The following ERBIN variants were observed in gnomAD, a reference collection of about 807,000 sequenced individuals.
ERBIN encodes the protein erbb2 interacting protein, also known as densin-180-like protein.
ERBIN carries 60 observed loss-of-function variants against 158.4 expected under a neutral mutation model. That is an observed-to-expected ratio of 0.38 (90% confidence interval 0.31 to 0.47). ERBIN has a LOEUF of 0.47. Ranked by LOEUF, ERBIN falls within the 20% of genes least tolerant of loss-of-function variation. ERBIN has a pLI of 0.99. For synonymous variants in ERBIN, 594 were observed against 557.2 expected, an observed-to-expected ratio of 1.07 and a Z score of -0.93; for missense variants, 1,610 against 1,648.0, an observed-to-expected ratio of 0.98 and a Z score of 0.40.
In ERBIN at chr5:66,053,757, T is replaced by C; in HGVS notation, c.2439T>C (p.Tyr813=). ...ETEHLENGNK[Y]PNLESVNKVN... Reference sequence around the variant, plus strand: ...AGCACTTGGAAAATGGAAACAAGTATCCTAATTTGGAATCCGTAAATAAGG... The same window carrying C: ...AGCACTTGGAAAATGGAAACAAGTACCCTAATTTGGAATCCGTAAATAAGG... The change falls in exon 21 of 26, where the codon TAT becomes TAC. Residue 813 remains tyrosine (Y), a synonymous_variant. Transcript: ENST00000284037. 6.2e-7 allele frequency: 1 copy of C among 1,613,778 alleles called. No homozygotes were observed. The highest frequency in any genetic ancestry group is 8.5e-7 in the Non-Finnish European group (1 of 1,179,984).
rs1758528419 is a variant in ERBIN at position 66,047,196 on chromosome 5, C to G, written c.1788+658C>G. On this transcript the variant is annotated intron_variant, in intron 18 of 25. Coordinates refer to ENST00000284037, the MANE Select transcript of ERBIN (RefSeq NM_001253697.2). ...ATATGCCTCTGTAAATTTGCCTATT[C>G]TTGACATTTCATTTAAGTGGAATCA... 4.6e-5 allele frequency among the ~76,000 whole-genome samples: 7 copies of G among 152,048 alleles called. No homozygotes were observed. The South Asian group carries it at 1.4e-3, about 31-fold the overall frequency.
At chr5:65,932,858 A>G (rs1044341215) in intron 1 of ERBIN, among the ~76,000 whole-genome samples, 6 of 152,064 alleles carry the variant, frequency 3.9e-5, no homozygotes, top group African/African-American at 7.2e-5. Flanking sequence ...GTGCAGTGGC[A>G]TACTCACGGC....
At chr5:66,019,757 C>T (rs1003625038) in intron 7 of ERBIN, among the ~76,000 whole-genome samples, 5 of 152,190 alleles carry the variant, frequency 3.3e-5, no homozygotes, top group African/African-American at 1.2e-4. Context: ...CACACCTTTT[C>T]ATTTTTGTAC....
intron 1 of ERBIN, among the ~76,000 whole-genome samples, chr5:65,963,513 G>A (rs1260182696): frequency 1.3e-5 from 2 of 152,124 alleles, no homozygotes; most frequent in Admixed American, 6.5e-5. Flanking sequence ...CAGGAGAATC[G>A]CTTGAACCCG....
intron 1 of ERBIN, among the ~76,000 whole-genome samples, chr5:65,977,784 A>G (rs1750157838): frequency 6.6e-6 from 1 of 152,184 alleles, no homozygotes; most frequent in Admixed American, 6.5e-5. Context: ...CAATCTCGGC[A>G]CTTCGGGAGG....
chr5:65,996,244 GTT>G (rs34947686), intron 4 of ERBIN, among the ~76,000 whole-genome samples: 60,082 of 101,014 alleles, frequency 0.59, 17,529 homozygotes, highest in South Asian at 0.71. Context: ...TTTCCTAGTA[GTT>G]TTTTTTTTTT....
chr5:65,982,652 C>T (rs1322639958), intron 1 of ERBIN, among the ~76,000 whole-genome samples: 1 of 130,228 alleles, frequency 7.7e-6, no homozygotes, highest in East Asian at 2.1e-4. Flanking sequence ...AAACCAGATA[C>T]TGCAATTACA....
rs185622670 is a variant in ERBIN at position 66,005,274 on chromosome 5, C to T, written c.308-6775C>T. Among the ~76,000 whole-genome samples, 213 of 152,146 alleles carry T rather than the reference C, an allele frequency of 1.4e-3. 1 individual carries two copies. The highest frequency in any genetic ancestry group is 5.0e-3 in the African/African-American group (207 of 41,504). ...GATGTGAGAGAAGAGTCAAGGATGC[C>T]CTCAGTGATTTTGGTCATGCCCTTG... On this transcript the variant is annotated intron_variant, in intron 4 of 25. Coordinates refer to ENST00000284037, the MANE Select transcript of ERBIN (RefSeq NM_001253697.2).
intron 4 of ERBIN, among the ~76,000 whole-genome samples, chr5:66,011,650 G>C (rs912836070): frequency 2.0e-5 from 3 of 152,142 alleles, no homozygotes; most frequent in Non-Finnish European, 1.5e-5. Flanking sequence ...TCGCCCCACT[G>C]TACTCCAGCG....
chr5:66,030,956 G>A (rs1299145497), intron 14 of ERBIN, among the ~76,000 whole-genome samples: 5 of 152,154 alleles, frequency 3.3e-5, no homozygotes, highest in South Asian at 2.1e-4. Context: ...TATCTGCTAC[G>A]GTTTCTTCAT....
intron 23 of ERBIN, 130 bp from the exon 24 acceptor site, chr5:66,076,186 A>G: frequency 1.5e-6 from 1 of 678,052 alleles, no homozygotes; most frequent in Non-Finnish European, 2.5e-6. Flanking sequence ...ATCTGACCAA[A>G]TATTTATTTT....
chr5:66,077,795 TACACAC>T (rs879359102), intron 25 of ERBIN, among the ~76,000 whole-genome samples: 1 of 97,006 alleles, frequency 1.0e-5, no homozygotes, highest in East Asian at 3.5e-4. Flanking sequence ...CACACACACA[TACACAC>T]ACACACACAG....
intron 1 of ERBIN, among the ~76,000 whole-genome samples, chr5:65,938,045 T>C (rs1744306457): frequency 6.6e-6 from 1 of 152,230 alleles, no homozygotes; most frequent in Non-Finnish European, 1.5e-5. Flanking sequence ...TTATTTGATG[T>C]TTGATGCCCT....
At chr5:66,018,506 TTA>T (rs373359811) in intron 7 of ERBIN, among the ~76,000 whole-genome samples, 65 of 5,572 alleles carry the variant, frequency 0.012, 13 homozygotes, top group African/African-American at 0.026. Flanking sequence ...ATAATATATA[TTA>T]TATATTATAT....
At chr5:66,065,725 G>A (rs753230220) in intron 21 of ERBIN, among the ~76,000 whole-genome samples, 1 of 150,590 alleles carries the variant, frequency 6.6e-6, no homozygotes, top group Non-Finnish European at 1.5e-5. Context: ...GGAAATTCAG[G>A]CGCAGAATAA....
At chr5:66,058,915 A>G (rs1759931380) in intron 21 of ERBIN, among the ~76,000 whole-genome samples, 1 of 152,206 alleles carries the variant, frequency 6.6e-6, no homozygotes, top group Non-Finnish European at 1.5e-5. Flanking sequence ...TGGTACCAGT[A>G]CCGTGCCGTT....
chr5:65,948,193 G>A (rs1049340489), intron 1 of ERBIN, among the ~76,000 whole-genome samples: 4 of 151,726 alleles, frequency 2.6e-5, no homozygotes, highest in African/African-American at 9.7e-5. Flanking sequence ...ACAGGATGTT[G>A]CTCTGTGTCC....
At chr5:66,045,002 G>T (rs1006086717) in intron 17 of ERBIN, among the ~76,000 whole-genome samples, 1 of 151,982 alleles carries the variant, frequency 6.6e-6, no homozygotes, top group Non-Finnish European at 1.5e-5. Context: ...GTCACTGGAG[G>T]CCAGGAGTTC....
intron 20 of ERBIN, among the ~76,000 whole-genome samples, chr5:66,052,530 AT>A (rs1469662647): frequency 1.3e-5 from 2 of 152,158 alleles, no homozygotes; most frequent in Non-Finnish European, 2.9e-5. Context: ...GGAAAGCGGT[AT>A]GATATTTTCT....
Sources: allele counts gnomAD v4.1 joint callset (sites outside exome capture counted in the v4.1 genomes callset), GRCh38; gene constraint gnomAD v4.1.1; transcripts MANE v1.5; gene names NCBI Gene and HGNC (gene_info 2026-07-23, HGNC 2026-07-21).